Variants in SCAF8 observed in about 807,000 individuals in gnomAD.
SCAF8 encodes SR-related CTD associated factor 8.
SCAF8 carries 23 observed loss-of-function variants against 140.5 expected under a neutral mutation model. The ratio of observed to expected loss-of-function variants is 0.16; its 90% CI spans 0.12 to 0.23. The LOEUF (loss-of-function observed/expected upper bound fraction) is 0.23, where lower values mean the gene tolerates loss of function less well. Ranked by LOEUF, SCAF8 falls within the 10% of genes least tolerant of loss-of-function variation. The pLI, the probability that SCAF8 is intolerant of heterozygous loss-of-function variation, is 1.00. For missense variants in SCAF8, 1,397 were observed against 1,555.7 expected (o/e 0.90, Z 1.72); for synonymous variants, 575 against 528.9 (o/e 1.09, Z -1.20).
intron 4 of SCAF8, among the ~76,000 whole-genome samples, chr6:154,791,462 A>G (rs778539830): frequency 1.3e-5 from 2 of 152,224 alleles, no homozygotes; most frequent in Admixed American, 6.5e-5. Context: ...CGCTATAAGA[A>G]GAGCTGTAAC....
intron 1 of SCAF8, among the ~76,000 whole-genome samples, chr6:154,735,357 A>C (rs1340938867): frequency 6.6e-6 from 1 of 152,140 alleles, no homozygotes; most frequent in Non-Finnish European, 1.5e-5. Flanking sequence ...AAAAAGAAAA[A>C]CAGTATTTGG....
chr6:154,814,555 A>ACT (rs1362547495), intron 12 of SCAF8, among the ~76,000 whole-genome samples: 2 of 152,198 alleles, frequency 1.3e-5, no homozygotes, highest in African/African-American at 4.8e-5. Context: ...GGCACTCAGT[A>ACT]GTGATCTTGC....
intron 1 of SCAF8, among the ~76,000 whole-genome samples, chr6:154,757,449 C>T (rs1481773614): frequency 6.6e-6 from 1 of 152,146 alleles, no homozygotes; most frequent in Admixed American, 6.5e-5. Context: ...TAAAATTAAT[C>T]TGCTCTGTTC....
intron 1 of SCAF8, among the ~76,000 whole-genome samples, chr6:154,766,532 G>A (rs906117650): frequency 6.6e-6 from 1 of 151,904 alleles, no homozygotes; most frequent in Non-Finnish European, 1.5e-5. Context: ...CTTCCTGACC[G>A]TCTGGCACTG....
rs559974941 is a variant in SCAF8, at chr6:154,746,653, T to TA, written c.30+12723_30+12724insA. 6.3e-3 allele frequency among the ~76,000 whole-genome samples: 966 copies of TA among 152,356 alleles called. 13 individuals are homozygous for TA. Among genetic ancestry groups the TA allele is most frequent in the African/African-American group, 0.022 (911 of 41,592 alleles). Reference sequence around the variant, plus strand: ...ATTCAGAATTGCTAAAGCATATATCTGTAAACAAACCTATTAATTAGAGTT... The same window carrying TA: ...ATTCAGAATTGCTAAAGCATATATCTAGTAAACAAACCTATTAATTAGAGTT... On this transcript the variant is annotated intron_variant, in intron 1 of 19. Transcript: ENST00000367178.
intron 2 of SCAF8, among the ~76,000 whole-genome samples, chr6:154,775,448 T>G (rs1162489240): frequency 6.6e-6 from 1 of 152,236 alleles, no homozygotes; most frequent in African/African-American, 2.4e-5. Flanking sequence ...TGATGCACTT[T>G]TCATAACTTG....
chr6:154,740,363 A>G (rs1778536506), intron 1 of SCAF8, among the ~76,000 whole-genome samples: 1 of 152,120 alleles, frequency 6.6e-6, no homozygotes, highest in Non-Finnish European at 1.5e-5. Context: ...TCCAGACATT[A>G]TTAAATGTTT....
At position 154,733,669 on chromosome 6, in the gene SCAF8, C is replaced by G. The variant is rs1778323035; in HGVS notation, c.-232C>G. 9.9e-6 allele frequency: 13 copies of G among 1,308,534 alleles called. No homozygotes were observed. The highest frequency in any genetic ancestry group is 6.7e-5 in the South Asian group (3 of 45,066). The allele number at this position is 1,308,534 out of a possible 1,614,324, so 81.1% of individuals were successfully genotyped here. A position where few individuals can be genotyped will look rare whatever the true frequency, so the allele number is the denominator to read the frequency against. ...CCCGCCCCGGCAGCGCCTCTGTTCC[C>G]TAGAACGGCGCTCCCCCCGCCCTAG... is the stretch of plus-strand genomic sequence containing the variant. On this transcript the variant is annotated 5_prime_UTR_variant, in exon 1 of 20. Coordinates refer to ENST00000367178, the MANE Select transcript of SCAF8 (RefSeq NM_014892.5).
At position 154,790,163 on chromosome 6, in the gene SCAF8, T is replaced by C. The variant is rs559546161; in HGVS notation, c.321+2141T>C. Among the ~76,000 whole-genome samples, 46 of 152,294 alleles carry C rather than the reference T, an allele frequency of 3.0e-4. No homozygotes were observed. In the South Asian group the frequency reaches 4.1e-3, roughly 14 times the overall value. On this transcript the variant is annotated intron_variant, in intron 4 of 19. Transcript: ENST00000367178. Reference sequence around the variant, plus strand: ...AAATGAAGGACATCGTATGTAGATATATGGAATGATAGTTGTTAGGTGCTG... The same window carrying C: ...AAATGAAGGACATCGTATGTAGATACATGGAATGATAGTTGTTAGGTGCTG...
At chr6:154,786,286 C>T (rs1290578062) in intron 3 of SCAF8, among the ~76,000 whole-genome samples, 1 of 152,116 alleles carries the variant, frequency 6.6e-6, no homozygotes, top group Non-Finnish European at 1.5e-5. Flanking sequence ...GGTGGGATCG[C>T]AGAACTGGTT....
At chr6:154,756,873 C>T (rs1328732592) in intron 1 of SCAF8, among the ~76,000 whole-genome samples, 1 of 152,038 alleles carries the variant, frequency 6.6e-6, no homozygotes, top group Non-Finnish European at 1.5e-5. Context: ...ACAAGAAATA[C>T]AAAAATTAGC....
At chr6:154,787,093 G>A (rs922770006) in intron 3 of SCAF8, among the ~76,000 whole-genome samples, 2 of 152,226 alleles carry the variant, frequency 1.3e-5, no homozygotes, top group Non-Finnish European at 2.9e-5. Flanking sequence ...GGTGGCTCGT[G>A]CCTGTATTTC....
intron 1 of SCAF8, among the ~76,000 whole-genome samples, chr6:154,739,003 T>G (rs1354770099): frequency 6.6e-6 from 1 of 152,202 alleles, no homozygotes; most frequent in Non-Finnish European, 1.5e-5. Flanking sequence ...TTGTTGTTAT[T>G]GTTTAAGACT....
At position 154,818,538 on chromosome 6, in the gene SCAF8, A is replaced by G; in HGVS notation, c.1581A>G (p.Arg527=). 1 of 1,609,744 alleles carries G rather than the reference A, an allele frequency of 6.2e-7. No individual in the cohort carries two copies. Among genetic ancestry groups the G allele is most frequent in the Admixed American group, 1.7e-5 (1 of 59,314 alleles). ...TGGTTCATCGACAAGATGCATTTCGAGCTCTTCAGAAACTCAGTTCTGGAT... is the reference window on the plus strand; with the variant it reads ...TGGTTCATCGACAAGATGCATTTCGGGCTCTTCAGAAACTCAGTTCTGGAT... ...VCMVHRQDAF[R]ALQKLSSGSY... is the part of the protein sequence containing the mutation. Residue 527 remains arginine (R), a synonymous_variant, in exon 14 of 20, where the codon CGA becomes CGG. Transcript: ENST00000367178.
At chr6:154,820,904 C>G (rs534575103) in intron 15 of SCAF8, among the ~76,000 whole-genome samples, 1 of 152,038 alleles carries the variant, frequency 6.6e-6, no homozygotes, top group Non-Finnish European at 1.5e-5. Context: ...AATAGGAAAT[C>G]TAAACATTTG....
At chr6:154,806,794 G>GGCCA (rs1777928857) in intron 9 of SCAF8, among the ~76,000 whole-genome samples, 1 of 151,040 alleles carries the variant, frequency 6.6e-6, no homozygotes, top group Non-Finnish European at 1.5e-5. Flanking sequence ...TGATATAAGT[G>GGCCA]GCCAGAGTAG....
In SCAF8 at chr6:154,829,573, T is replaced by C. The variant is rs147267751; in HGVS notation, c.2141-1349T>C. On this transcript the variant is annotated intron_variant, in intron 18 of 19. Coordinates refer to ENST00000367178, the MANE Select transcript of SCAF8 (RefSeq NM_014892.5). ...CTTTTGATTATCTAATTCATTTTCC[T>C]TGTATTCTTAAACTTTTTCTCCCTT... Among the ~76,000 whole-genome samples the C allele has an allele frequency of 8.0e-3, 1,222 of 152,330 alleles. 17 individuals carry two copies. Among genetic ancestry groups the C allele is most frequent in the African/African-American group, 0.028 (1,166 of 41,574 alleles).
intron 4 of SCAF8, among the ~76,000 whole-genome samples, chr6:154,792,622 C>G (rs897753079): frequency 1.3e-5 from 2 of 152,152 alleles, no homozygotes; most frequent in Non-Finnish European, 2.9e-5. Context: ...CTTTGTACCT[C>G]TATCCAAATT....
At chr6:154,817,827 G>T (rs1189464665) in intron 13 of SCAF8, among the ~76,000 whole-genome samples, 1 of 152,120 alleles carries the variant, frequency 6.6e-6, no homozygotes, top group Non-Finnish European at 1.5e-5. Context: ...ATATATTAAG[G>T]ATAATTGTAT....
Sources: gnomAD v4.1 joint callset for allele counts (sites outside exome capture counted in the v4.1 genomes callset) on GRCh38, gnomAD v4.1.1 for gene constraint, MANE v1.5 for transcripts, NCBI Gene and HGNC (gene_info 2026-07-23, HGNC 2026-07-21) for gene names.